DAAM2: variants seen among roughly 807,000 people sequenced by gnomAD.
DAAM2 encodes the protein dishevelled associated activator of morphogenesis 2, also known as disheveled-associated activator of morphogenesis 2.
A neutral mutation model predicts 120.7 loss-of-function variants in DAAM2; 39 were observed. The ratio of observed to expected loss-of-function variants is 0.32; its 90% CI spans 0.25 to 0.42. The LOEUF is 0.42. Among genes scored for constraint, DAAM2 ranks in the 10% least tolerant of loss-of-function variants. DAAM2 has a pLI of 1.00. For synonymous variants in DAAM2, 488 were observed against 524.9 expected, an observed-to-expected ratio of 0.93 and a Z score of 0.96; for missense variants, 1,283 against 1,401.7, an observed-to-expected ratio of 0.92 and a Z score of 1.35.
intron 1 of DAAM2, among the ~76,000 whole-genome samples, chr6:39,800,597 G>A (rs1207485977): frequency 2.0e-5 from 3 of 152,216 alleles, no homozygotes; most frequent in East Asian, 1.9e-4. Context: ...GTCCCCAGCT[G>A]CAGGGAGTGC....
At chr6:39,855,561 G>C (rs1166931507) in intron 1 of DAAM2, among the ~76,000 whole-genome samples, 2 of 152,174 alleles carry the variant, frequency 1.3e-5, no homozygotes, top group African/African-American at 4.8e-5. Flanking sequence ...TGACTCCCCT[G>C]GGTAACTCTC....
At chr6:39,900,025 C>T (rs1766379040) in intron 22 of DAAM2, 52 bp from the exon 23 acceptor site, 1 of 1,565,960 alleles carries the variant, frequency 6.4e-7, no homozygotes, top group Non-Finnish European at 8.7e-7. Flanking sequence ...ACCCCTGCAC[C>T]CGACTCTCAT....
At chr6:39,861,796 G>A (rs1303518716) in intron 3 of DAAM2, 1 of 153,690 alleles carries the variant, frequency 6.5e-6, no homozygotes, top group East Asian at 1.9e-4. Flanking sequence ...TTGTTATTCT[G>A]CCCTCCTACA....
chr6:39,801,663 T>C (rs1761867268), intron 1 of DAAM2, among the ~76,000 whole-genome samples: 1 of 152,254 alleles, frequency 6.6e-6, no homozygotes, highest in African/African-American at 2.4e-5. Context: ...TCTTTGGTGC[T>C]GTGCTTTGAA....
chr6:39,881,108 G>A (rs1765096160), intron 14 of DAAM2, among the ~76,000 whole-genome samples: 1 of 152,242 alleles, frequency 6.6e-6, no homozygotes, highest in African/African-American at 2.4e-5. Context: ...GCTAAAGCAA[G>A]CAATATTTGT....
At chr6:39,815,682 A>ACACACACACC (rs953984558) in intron 1 of DAAM2, among the ~76,000 whole-genome samples, 1 of 139,538 alleles carries the variant, frequency 7.2e-6, no homozygotes, top group African/African-American at 2.7e-5. Flanking sequence ...ACACACACAC[A>ACACACACACC]CACCGTTTAC....
chr6:39,902,004 C>T lies in DAAM2; in HGVS notation c.3174C>T (p.Thr1058=), dbSNP rs755627834. ...KRSGSQALEV[T]RERAINRLNY ...CAGGGAGCCAGGCCCTGGAAGTTAC[C>T]CGGGAGCGGGCAATAAACCGGCTAA... The change falls in exon 25 of 25, where the codon ACC becomes ACT. Residue 1058 remains threonine (T), a synonymous_variant. Transcript: ENST00000274867. The T allele has an allele frequency of 1.2e-6, 2 of 1,610,764 alleles. No individual in the cohort carries two copies. Among genetic ancestry groups the T allele is most frequent in the Non-Finnish European group, 1.7e-6 (2 of 1,177,712 alleles).
chr6:39,881,763 TAC>T (rs1299298212), intron 14 of DAAM2: 2 of 152,122 alleles, frequency 1.3e-5, no homozygotes, highest in Non-Finnish European at 2.9e-5. Flanking sequence ...ATTTCCTACA[TAC>T]AAAGTACTTG....
rs570565914 is a variant in DAAM2 at position 39,871,533 on chromosome 6, G to C, written c.1005G>C (p.Arg335=). The change falls in exon 9 of 25, where the codon CGG becomes CGC. Residue 335 remains arginine (R), a synonymous_variant. Transcript: ENST00000274867. The part of the protein sequence containing the change: ...DKHLDFFEMV[R]NEDDLELARR... ...ATTTAGACTTCTTCGAGATGGTGCG[G>C]AATGAGGATGACCTGGAGCTAGCCA... 35 of 1,551,414 alleles carry C rather than the reference G, an allele frequency of 2.3e-5. 1 individual carries two copies. The Admixed American group carries it at 6.1e-4, about 27-fold the overall frequency.
Position 39,900,226 on chromosome 6 carries a change from C to A in DAAM2, c.2811+18C>A, listed in dbSNP as rs1275745008. 3.7e-6 allele frequency: 6 copies of A among 1,607,004 alleles called. No homozygotes were observed. The highest frequency in any genetic ancestry group is 2.3e-5 in the East Asian group (1 of 44,386). On this transcript the variant is annotated intron_variant, in intron 23 of 24. Coordinates refer to ENST00000274867, the MANE Select transcript of DAAM2 (RefSeq NM_001201427.2). ...GGGACAAGGTAAGGGTGCCCCAACC[C>A]CCACTGCTTGCCAACCCAGCCTTAT...
At chr6:39,810,184 G>T (rs1301070426) in intron 1 of DAAM2, among the ~76,000 whole-genome samples, 1 of 152,100 alleles carries the variant, frequency 6.6e-6, no homozygotes, top group Non-Finnish European at 1.5e-5. Flanking sequence ...GAGTCCGGGG[G>T]GAAGCTGAAC....
At position 39,903,229 on chromosome 6, in the gene DAAM2, T is replaced by C; in HGVS notation, c.*1192T>C. Reference sequence around the variant, plus strand: ...TGGCCCCTCCTCTCAGGCGTTCAGATGGTGCGAACAGCAGAGCAGGCAAGG... The same window carrying C: ...TGGCCCCTCCTCTCAGGCGTTCAGACGGTGCGAACAGCAGAGCAGGCAAGG... On this transcript the variant is annotated 3_prime_UTR_variant, in exon 25 of 25. Coordinates refer to ENST00000274867, the MANE Select transcript of DAAM2 (RefSeq NM_001201427.2). 1 of 152,344 alleles carries C rather than the reference T, an allele frequency of 6.6e-6. No individual in the cohort carries two copies. Among genetic ancestry groups the C allele is most frequent in the East Asian group, 1.9e-4 (1 of 5,190 alleles). The allele number at this position is 152,344 out of a possible 1,614,324, so 9.4% of individuals were successfully genotyped here.
intron 1 of DAAM2, among the ~76,000 whole-genome samples, chr6:39,807,188 CAAA>C (rs11312011): frequency 1.2e-4 from 14 of 115,870 alleles, no homozygotes; most frequent in African/African-American, 2.8e-4. Context: ...TAGAACACAG[CAAA>C]AAAAAAAAAA....
chr6:39,802,943 C>T (rs139712881), intron 1 of DAAM2, among the ~76,000 whole-genome samples: 6 of 152,172 alleles, frequency 3.9e-5, no homozygotes. Flanking sequence ...TCCTGCTCTT[C>T]ATATAAATGG....
intron 1 of DAAM2, among the ~76,000 whole-genome samples, chr6:39,828,836 A>T (rs1387518704): frequency 6.6e-6 from 1 of 152,092 alleles, no homozygotes; most frequent in Non-Finnish European, 1.5e-5. Flanking sequence ...TTTATAATGC[A>T]CTAATCCATT....
chr6:39,839,080 G>T (rs746747745), intron 1 of DAAM2, among the ~76,000 whole-genome samples: 2 of 152,002 alleles, frequency 1.3e-5, no homozygotes, highest in Non-Finnish European at 2.9e-5. Flanking sequence ...TTGGGTCTAG[G>T]CTAGGCATTG....
chr6:39,811,774 G>A (rs1460572567), intron 1 of DAAM2, among the ~76,000 whole-genome samples: 2 of 152,154 alleles, frequency 1.3e-5, no homozygotes, highest in Non-Finnish European at 2.9e-5. Context: ...GATGTTGGCG[G>A]GGGGATCTGA....
intron 1 of DAAM2, among the ~76,000 whole-genome samples, chr6:39,832,558 G>T (rs1762955457): frequency 6.6e-6 from 1 of 151,924 alleles, no homozygotes; most frequent in African/African-American, 2.4e-5. Context: ...AATTTTCAAT[G>T]AAAAACTTAG....
chr6:39,794,494 A>G (rs778941526), intron 1 of DAAM2, among the ~76,000 whole-genome samples: 9 of 152,200 alleles, frequency 5.9e-5, no homozygotes, highest in Non-Finnish European at 1.0e-4. Flanking sequence ...AGGAGAGAAC[A>G]TTCTCCTGGG....
Sources: gnomAD v4.1 joint callset for allele counts (sites outside exome capture counted in the v4.1 genomes callset) on GRCh38, gnomAD v4.1.1 for gene constraint, MANE v1.5 for transcripts, NCBI Gene and HGNC (gene_info 2026-07-23, HGNC 2026-07-21) for gene names.